LRBA: variants seen among roughly 807,000 people sequenced by gnomAD.
LRBA encodes the protein LPS responsive beige-like anchor protein, also known as lipopolysaccharide-responsive and beige-like anchor protein.
A neutral mutation model predicts 330.0 loss-of-function variants in LRBA; 176 were observed. The observed-to-expected ratio is 0.53, with a 90% CI of 0.47 to 0.60. The LOEUF is 0.60. Among genes scored for constraint, LRBA ranks in the 20% least tolerant of loss-of-function variants. The probability of loss-of-function intolerance (pLI) is 0.00; values close to 1 mark genes in which losing one functional copy is unlikely to be tolerated. For synonymous variants in LRBA, 1,230 were observed against 1,193.0 expected, an observed-to-expected ratio of 1.03 and a Z score of -0.64; for missense variants, 3,259 against 3,444.8, an observed-to-expected ratio of 0.95 and a Z score of 1.35.
At chr4:150,437,007 T>A (rs1027955688) in intron 44 of LRBA, 143 bp from the exon 45 acceptor site, 1 of 734,992 alleles carries the variant, frequency 1.4e-6, no homozygotes, top group African/African-American at 1.8e-5. Context: ...CAGTATCATA[T>A]TGGGAGTAAA....
At chr4:151,006,157 T>C (rs889313065) in intron 2 of LRBA, among the ~76,000 whole-genome samples, 1 of 151,918 alleles carries the variant, frequency 6.6e-6, no homozygotes, top group Non-Finnish European at 1.5e-5. Context: ...GCCTGGCCAA[T>C]ATGGCGAAAC....
chr4:150,686,395 G>C (rs568416044), intron 36 of LRBA, among the ~76,000 whole-genome samples: 1 of 152,254 alleles, frequency 6.6e-6, no homozygotes, highest in Non-Finnish European at 1.5e-5. Flanking sequence ...AGTTCACTTT[G>C]TCAAAAATAT....
At chr4:150,595,695 G>A (rs1391194779) in intron 38 of LRBA, among the ~76,000 whole-genome samples, 2 of 151,900 alleles carry the variant, frequency 1.3e-5, no homozygotes, top group East Asian at 3.8e-4. Flanking sequence ...ACAGCACACT[G>A]ATATGAAAAT....
At chr4:150,929,825 A>AT (rs1009345574) in intron 2 of LRBA, among the ~76,000 whole-genome samples, 19 of 152,106 alleles carry the variant, frequency 1.2e-4, no homozygotes, top group Admixed American at 9.8e-4. Flanking sequence ...TTAAATTTAA[A>AT]TTTTTTTAAT....
chr4:150,843,224 G>C (rs1348950260), intron 28 of LRBA, among the ~76,000 whole-genome samples: 1 of 151,874 alleles, frequency 6.6e-6, no homozygotes, highest in Non-Finnish European at 1.5e-5. Context: ...ATTAAGTAGT[G>C]ATAATACTCC....
intron 47 of LRBA, among the ~76,000 whole-genome samples, chr4:150,413,840 A>G (rs1747352465): frequency 2.0e-5 from 3 of 152,184 alleles, no homozygotes; most frequent in African/African-American, 7.2e-5. Context: ...GTATGAATGT[A>G]ACTTCTATTC....
At position 150,729,953 on chromosome 4, in the gene LRBA, G is replaced by A. The variant is rs1005955444; in HGVS notation, c.5754+5305C>T. On this transcript the variant is annotated intron_variant, in intron 36 of 56. Coordinates refer to ENST00000651943, the MANE Select transcript of LRBA (RefSeq NM_001364905.1). ...GCTAGTTATCCATATGCAGAAGAATGAACCTTGATCCCTACACCTCACACC... is the reference window on the plus strand; with the variant it reads ...GCTAGTTATCCATATGCAGAAGAATAAACCTTGATCCCTACACCTCACACC... 2.0e-5 allele frequency among the ~76,000 whole-genome samples: 3 copies of A among 152,224 alleles called. No homozygotes were observed. In the East Asian group the frequency reaches 5.8e-4, roughly 29 times the overall value.
rs1753418165 is a variant in LRBA, at chr4:150,871,350, A to G, written c.2362T>C (p.Phe788Leu). 1.9e-6 allele frequency: 3 copies of G among 1,585,900 alleles called. No individual in the cohort carries two copies. The highest frequency in any genetic ancestry group is 1.1e-5 in the South Asian group (1 of 89,164). The change falls in exon 19 of 57, where the codon TTT (phenylalanine) becomes CTT (leucine). Residue 788 changes from phenylalanine to leucine, a missense_variant. Transcript: ENST00000651943. ...LITMTTYNVLFEILIEQIGTQ... is the reference protein window; with the variant it reads ...LITMTTYNVLLEILIEQIGTQ... ...AATCCTAAGTACATTCCTACCTCAA[A>G]CAGCACATTATATGTGGTCATTGTG...
At chr4:150,447,633 CT>C (rs1561191992) in intron 44 of LRBA, among the ~76,000 whole-genome samples, 2 of 152,246 alleles carry the variant, frequency 1.3e-5, no homozygotes, top group Admixed American at 6.5e-5. Flanking sequence ...TAATAAATCT[CT>C]TTTTGGATAC....
chr4:150,599,915 A>T (rs760645631), intron 37 of LRBA, among the ~76,000 whole-genome samples: 3 of 152,148 alleles, frequency 2.0e-5, no homozygotes, highest in Non-Finnish European at 4.4e-5. Flanking sequence ...TTTAATTAAA[A>T]ACTACATGCT....
intron 47 of LRBA, among the ~76,000 whole-genome samples, chr4:150,380,135 C>T (rs1003718449): frequency 3.3e-5 from 5 of 151,072 alleles, no homozygotes; most frequent in South Asian, 2.1e-4. Flanking sequence ...GCCGAGATCA[C>T]GCCATTGCAC....
chr4:150,738,212 A>G (rs1278680329), intron 35 of LRBA, among the ~76,000 whole-genome samples: 1 of 151,944 alleles, frequency 6.6e-6, no homozygotes, highest in Non-Finnish European at 1.5e-5. Context: ...GGTGGTCTTG[A>G]ACTCCTGACC....
intron 35 of LRBA, among the ~76,000 whole-genome samples, chr4:150,746,335 T>A (rs1199406002): frequency 6.6e-6 from 1 of 152,158 alleles, no homozygotes; most frequent in East Asian, 1.9e-4. Context: ...TAGTCCCTTA[T>A]CCAGAGATCA....
At chr4:150,748,182 T>C (rs184309940) in intron 35 of LRBA, among the ~76,000 whole-genome samples, 61 of 152,304 alleles carry the variant, frequency 4.0e-4, no homozygotes, top group African/African-American at 1.4e-3. Flanking sequence ...ACATCACATA[T>C]ATGTTTATTT....
intron 53 of LRBA, among the ~76,000 whole-genome samples, chr4:150,292,491 T>C (rs1220660084): frequency 6.6e-6 from 1 of 152,204 alleles, no homozygotes; most frequent in African/African-American, 2.4e-5. Context: ...TATTAGGAAA[T>C]GAAGCGGGAT....
At chr4:150,877,257 CA>C (rs796849728) in intron 17 of LRBA, among the ~76,000 whole-genome samples, 9,797 of 81,712 alleles carry the variant, frequency 0.12, 495 homozygotes, top group African/African-American at 0.23. Context: ...GACTCCGTAT[CA>C]AAAAAAAAAA....
intron 34 of LRBA, among the ~76,000 whole-genome samples, chr4:150,783,354 TACAAG>T (rs1256119428): frequency 2.6e-5 from 4 of 152,116 alleles, no homozygotes; most frequent in Non-Finnish European, 1.5e-5. Flanking sequence ...TGGATAGAAA[TACAAG>T]ACAAGTCTGA....
At chr4:150,747,236 T>C (rs1314323262) in intron 35 of LRBA, among the ~76,000 whole-genome samples, 1 of 152,078 alleles carries the variant, frequency 6.6e-6, no homozygotes, top group Non-Finnish European at 1.5e-5. Context: ...TAAACCAAAG[T>C]AAAGGTTCAC....
intron 40 of LRBA, among the ~76,000 whole-genome samples, chr4:150,553,033 CA>C (rs1766815545): frequency 6.6e-6 from 1 of 150,552 alleles, no homozygotes; most frequent in Non-Finnish European, 1.5e-5. Flanking sequence ...CATGCCACTG[CA>C]CTCCAGCCTG....
Sources: gnomAD v4.1 joint callset for allele counts (sites outside exome capture counted in the v4.1 genomes callset) on GRCh38, gnomAD v4.1.1 for gene constraint, MANE v1.5 for transcripts, NCBI Gene and HGNC (gene_info 2026-07-23, HGNC 2026-07-21) for gene names.